Variants in PLS1 observed in about 807,000 individuals in gnomAD.
PLS1 encodes the protein plastin 1.
In PLS1, 32 loss-of-function variants were observed where a neutral mutation model predicts 73.7. The ratio of observed to expected loss-of-function variants is 0.43; its 90% CI spans 0.33 to 0.58. The LOEUF is 0.58. Ranked by LOEUF, PLS1 falls within the 20% of genes least tolerant of loss-of-function variation. PLS1 has a pLI of 0.04. For missense variants in PLS1, 633 were observed against 740.5 expected (o/e 0.85, Z 1.68); for synonymous variants, 217 against 261.3 (o/e 0.83, Z 1.63).
intron 1 of PLS1, among the ~76,000 whole-genome samples, chr3:142,640,314 C>A (rs1057355033): frequency 6.6e-6 from 1 of 152,150 alleles, no homozygotes; most frequent in African/African-American, 2.4e-5. Flanking sequence ...GTTCATACAA[C>A]AAATTTTTAT....
chr3:142,602,399 A>C (rs1420222947), intron 1 of PLS1, among the ~76,000 whole-genome samples: 3 of 152,214 alleles, frequency 2.0e-5, no homozygotes, highest in Admixed American at 2.0e-4. Flanking sequence ...CCACTGCTGG[A>C]AGCTCCTGGA....
At chr3:142,708,646 G>A (rs916693435) in intron 14 of PLS1, among the ~76,000 whole-genome samples, 6 of 152,186 alleles carry the variant, frequency 3.9e-5, no homozygotes, top group Non-Finnish European at 7.3e-5. Context: ...AAATCAAGCT[G>A]TAGGTAATTC....
intron 1 of PLS1, among the ~76,000 whole-genome samples, chr3:142,598,007 A>T (rs2035842392): frequency 6.6e-6 from 1 of 152,108 alleles, no homozygotes; most frequent in Non-Finnish European, 1.5e-5. Context: ...TTTGCCCAAA[A>T]TGCCTGTTTG....
Position 142,652,429 on chromosome 3 carries a change from A to G in PLS1, c.-36-11773A>G, listed in dbSNP as rs543828530. Among the ~76,000 whole-genome samples the G allele has an allele frequency of 4.6e-5, 7 of 152,278 alleles. No homozygotes were observed. In the South Asian group the frequency reaches 1.4e-3, roughly 32 times the overall value. The stretch of plus-strand genomic sequence containing the variant: ...AATCTAGTTTCCTATTTTCCAGCTA[A>G]GAAAACTTACTAACCTTGGCTCTAC... On this transcript the variant is annotated intron_variant, in intron 1 of 15. Coordinates refer to ENST00000457734, the MANE Select transcript of PLS1 (RefSeq NM_001145319.2).
chr3:142,666,752 C>CGG (rs2037487485), intron 2 of PLS1, among the ~76,000 whole-genome samples: 1 of 152,238 alleles, frequency 6.6e-6, no homozygotes, highest in South Asian at 2.1e-4. Context: ...CACCATTTTA[C>CGG]ATTCCCACCA....
At chr3:142,705,459 T>C (rs1356634030) in intron 14 of PLS1, among the ~76,000 whole-genome samples, 2 of 152,242 alleles carry the variant, frequency 1.3e-5, no homozygotes, top group African/African-American at 2.4e-5. Flanking sequence ...TGTACATACA[T>C]ACCCACTAAT....
Position 142,689,672 on chromosome 3 carries a change from G to C in PLS1, c.1036G>C (p.Gly346Arg). The C allele has an allele frequency of 2.5e-6, 4 of 1,610,948 alleles. No homozygotes were observed. Among genetic ancestry groups the C allele is most frequent in the Non-Finnish European group, 3.4e-6 (4 of 1,178,610 alleles). The change falls in exon 10 of 16, where the codon GGC becomes CGC. Residue 346 changes from glycine to arginine, a missense_variant. Physicochemically the swap from Gly to Arg is moderately radical, Grantham distance 125. Transcript: ENST00000457734. ...CATGCTTCAAGAAGCAGATAAACTG[G>C]GCTGCAAACAGTTTGTTACTCCTGC... The part of the protein sequence containing the change: ...GLMLQEADKL[G>R]CKQFVTPADV...
At chr3:142,694,320 G>T (rs1375693750) in intron 10 of PLS1, 149 bp from the exon 11 acceptor site, 3 of 461,590 alleles carry the variant, frequency 6.5e-6, no homozygotes, top group Non-Finnish European at 1.2e-5. Flanking sequence ...GGCATTAAGA[G>T]ACTTTTTTTC....
chr3:142,700,803 G>T (rs1332915024), intron 12 of PLS1, among the ~76,000 whole-genome samples: 2 of 152,192 alleles, frequency 1.3e-5, no homozygotes, highest in South Asian at 4.1e-4. Flanking sequence ...ATATTCCCAT[G>T]TGTTGTGGGA....
At chr3:142,638,836 G>A (rs750974745) in intron 1 of PLS1, among the ~76,000 whole-genome samples, 2 of 151,986 alleles carry the variant, frequency 1.3e-5, no homozygotes, top group South Asian at 4.1e-4. Flanking sequence ...CTGCCACCCC[G>A]GTTCAAGTGA....
At chr3:142,662,347 C>T (rs138619044) in intron 1 of PLS1, among the ~76,000 whole-genome samples, 4,218 of 152,110 alleles carry the variant, frequency 0.028, 196 homozygotes, top group African/African-American at 0.097. Context: ...TGTTCTCACT[C>T]ATAAGTGGGA....
At chr3:142,611,673 G>A (rs2036122508) in intron 1 of PLS1, among the ~76,000 whole-genome samples, 1 of 152,200 alleles carries the variant, frequency 6.6e-6, no homozygotes, top group East Asian at 1.9e-4. Context: ...TAGTATGTAT[G>A]TAGTGTTATA....
Position 142,704,635 on chromosome 3 carries a change from ATTTTTTTTTTTTTT to A in PLS1, c.1629+66_1629+79del, listed in dbSNP as rs10631186. ...TTTTTTTTTGTAGGTATAGGAAGGAATTTTTTTTTTTTTTTTTTTTTTTTTTTTTTGGAGATGGA... is the reference window on the plus strand; with the variant it reads ...TTTTTTTTTGTAGGTATAGGAAGGAATTTTTTTTTTTTTTTTGGAGATGGA... On this transcript the variant is annotated intron_variant, in intron 14 of 15. Transcript: ENST00000457734. The A allele has an allele frequency of 5.9e-4, 155 of 261,984 alleles. 1 individual carries two copies. The highest frequency in any genetic ancestry group is 4.7e-3 in the African/African-American group (98 of 20,662). The allele number at this position is 261,984 out of a possible 1,614,324, so 16.2% of individuals were successfully genotyped here. A position where few individuals can be genotyped will look rare whatever the true frequency, so the allele number is the denominator to read the frequency against.
intron 1 of PLS1, among the ~76,000 whole-genome samples, chr3:142,602,828 C>T (rs947599582): frequency 2.9e-5 from 4 of 139,770 alleles, no homozygotes; most frequent in African/African-American, 8.6e-5. Context: ...AAGGCAGGGC[C>T]GCAGCTTCTG....
At chr3:142,619,522 A>G (rs755879377) in intron 1 of PLS1, 4 of 152,230 alleles carry the variant, frequency 2.6e-5, no homozygotes, top group Non-Finnish European at 5.9e-5. Flanking sequence ...TAAAATGCTA[A>G]AAAGAATCCA....
Position 142,630,608 on chromosome 3 carries a change from G to A in PLS1, c.-36-33594G>A, listed in dbSNP as rs537777303. On this transcript the variant is annotated intron_variant, in intron 1 of 15. Coordinates refer to ENST00000457734, the MANE Select transcript of PLS1 (RefSeq NM_001145319.2). ...TCTACTAAAATTACAAAAATTAGCC[G>A]GTCATGGTGGTGAGTGTCTGTAATC... Among the ~76,000 whole-genome samples the A allele has an allele frequency of 1.8e-4, 28 of 151,808 alleles. No homozygotes were observed. In the East Asian group the frequency reaches 5.4e-3, roughly 30 times the overall value.
rs750795154 is a variant in PLS1 at position 142,664,290 on chromosome 3, A to G, written c.53A>G (p.Glu18Gly). The change falls in exon 2 of 16, where the codon GAG (glutamate) becomes GGG (glycine). Residue 18 changes from glutamate to glycine, a missense_variant. Glu to Gly is a moderately conservative substitution (Grantham distance 98). Coordinates refer to ENST00000457734, the MANE Select transcript of PLS1 (RefSeq NM_001145319.2). ...CGGGAGGAGCTTGAAGAACTACAAG[A>G]GGCATTTAATAAAATAGGTATGCTT... The part of the protein sequence containing the change: ...ISREELEELQ[E>G]AFNKIDIDNS... 2 of 1,574,464 alleles carry G rather than the reference A, an allele frequency of 1.3e-6. No homozygotes were observed. Among genetic ancestry groups the G allele is most frequent in the Non-Finnish European group, 1.7e-6 (2 of 1,146,760 alleles).
chr3:142,605,982 G>T (rs542234387), intron 1 of PLS1, among the ~76,000 whole-genome samples: 1 of 152,270 alleles, frequency 6.6e-6, no homozygotes, highest in East Asian at 1.9e-4. Flanking sequence ...CTTAATTGAA[G>T]TATTTCTGCA....
Position 142,711,875 on chromosome 3 carries a change from C to T in PLS1, c.1758C>T (p.Tyr586=), listed in dbSNP as rs562658548. ...ATATTTTTCTTGTCTCTTCAAGATA[C>T]GCCATTTCAGTTGCTCGAAAGATCG... ...SDEDKLNNAK[Y]AISVARKIGA... The change falls in exon 16 of 16, where the codon TAC becomes TAT. Residue 586 remains tyrosine, a synonymous_variant. Coordinates refer to ENST00000457734, the MANE Select transcript of PLS1 (RefSeq NM_001145319.2). 4.6e-5 allele frequency: 75 copies of T among 1,613,386 alleles called. No individual in the cohort carries two copies. The highest frequency in any genetic ancestry group is 9.3e-5 in the African/African-American group (7 of 75,026).
Sources: gnomAD v4.1 joint callset for allele counts (sites outside exome capture counted in the v4.1 genomes callset) on GRCh38, gnomAD v4.1.1 for gene constraint, MANE v1.5 for transcripts, NCBI Gene and HGNC (gene_info 2026-07-23, HGNC 2026-07-21) for gene names.